Variants in FGF2 observed in about 807,000 individuals in gnomAD.
FGF2 encodes the protein basic fibroblast growth factor bFGF.
A neutral mutation model predicts 15.9 loss-of-function variants in FGF2; 13 were observed. The ratio of observed to expected loss-of-function variants is 0.82; its 90% CI spans 0.53 to 1.30. The LOEUF (loss-of-function observed/expected upper bound fraction) is 1.30, where lower values mean the gene tolerates loss of function less well. FGF2 is among the 50% of genes most tolerant of loss of function. The probability of loss-of-function intolerance (pLI) is 0.00; values close to 1 mark genes in which losing one functional copy is unlikely to be tolerated. For synonymous variants in FGF2, 90 were observed against 78.4 expected, an observed-to-expected ratio of 1.15 and a Z score of -0.78; for missense variants, 163 against 196.9, an observed-to-expected ratio of 0.83 and a Z score of 1.03.
intron 1 of FGF2, among the ~76,000 whole-genome samples, chr4:122,874,425 A>G (rs755745222): frequency 2.0e-5 from 3 of 152,210 alleles, no homozygotes; most frequent in Non-Finnish European, 2.9e-5. Flanking sequence ...AAATGATGCA[A>G]TGCTTTCTGG....
chr4:122,874,887 T>C (rs1271076253), intron 1 of FGF2, among the ~76,000 whole-genome samples: 7 of 152,160 alleles, frequency 4.6e-5, no homozygotes, highest in Non-Finnish European at 8.8e-5. Flanking sequence ...AATGATAATA[T>C]GCTGATTTCT....
chr4:122,828,693 T>C (rs1725699729), intron 1 of FGF2, among the ~76,000 whole-genome samples: 1 of 152,224 alleles, frequency 6.6e-6, no homozygotes, highest in Non-Finnish European at 1.5e-5. Context: ...AATAGCAACC[T>C]GCAAGAGAGG....
At chr4:122,839,342 G>A (rs145492763) in intron 1 of FGF2, among the ~76,000 whole-genome samples, 22 of 152,198 alleles carry the variant, frequency 1.4e-4, no homozygotes, top group African/African-American at 4.8e-4. Flanking sequence ...TATCTTTTCA[G>A]TATTTAAGGA....
At chr4:122,857,552 T>G (rs916952734) in intron 1 of FGF2, among the ~76,000 whole-genome samples, 1 of 152,200 alleles carries the variant, frequency 6.6e-6, no homozygotes, top group African/African-American at 2.4e-5. Context: ...GCTGTGCTGT[T>G]AGAAGAATCA....
chr4:122,856,770 T>C (rs1578463510), intron 1 of FGF2, among the ~76,000 whole-genome samples: 1 of 152,330 alleles, frequency 6.6e-6, no homozygotes, highest in East Asian at 1.9e-4. Flanking sequence ...AACCCAGATA[T>C]TGACATTGAT....
Position 122,897,467 on chromosome 4 carries a change from CTAA to C in FGF2, c.*5073_*5075del. 1.2e-5 allele frequency: 8 copies of C among 649,170 alleles called. No homozygotes were observed. In the South Asian group the frequency reaches 1.4e-4, roughly 12 times the overall value. The allele number at this position is 649,170 out of a possible 1,614,324, so 40.2% of individuals were successfully genotyped here. On this transcript the variant is annotated 3_prime_UTR_variant, in exon 3 of 3. Transcript: ENST00000644866. ...AACTGTAATATTAGAAATTATGCTG[CTAA>C]TTATATCAGCTCTGAGGTAATTTCT...
intron 1 of FGF2, among the ~76,000 whole-genome samples, chr4:122,849,325 A>G (rs991795227): frequency 1.4e-4 from 22 of 152,206 alleles, no homozygotes; most frequent in African/African-American, 4.3e-4. Context: ...GCTGGAAACC[A>G]TCATTCTCAG....
In FGF2 at chr4:122,894,976, G is replaced by A. The variant is rs1727306408; in HGVS notation, c.*2580G>A. The A allele has an allele frequency of 6.6e-6, 1 of 152,162 alleles. No individual in the cohort carries two copies. Among genetic ancestry groups the A allele is most frequent in the African/African-American group, 2.4e-5 (1 of 41,442 alleles). 9.4% of individuals were successfully genotyped at this position (152,162 alleles called of 1,614,324 possible). On this transcript the variant is annotated 3_prime_UTR_variant, in exon 3 of 3. Transcript: ENST00000644866. ...TCTATGTCGTGGAAGCACTGGATGGGGGTAGTGAGCAAATCTGCCCTGCTC... is the reference window on the plus strand; with the variant it reads ...TCTATGTCGTGGAAGCACTGGATGGAGGTAGTGAGCAAATCTGCCCTGCTC...
rs1351521655 is a variant in FGF2, at chr4:122,897,963, C to T, written c.*5567C>T. ...GTATGAATGAAACATTGGAGGGAAA[C>T]ATCTACTGAATTTCTGTAATTTAAA... is the stretch of plus-strand genomic sequence containing the variant. On this transcript the variant is annotated 3_prime_UTR_variant, in exon 3 of 3. Transcript: ENST00000644866. 3.3e-6 allele frequency: 1 copy of T among 300,466 alleles called. No homozygotes were observed. Among genetic ancestry groups the T allele is most frequent in the Non-Finnish European group, 6.1e-6 (1 of 163,814 alleles). The allele number at this position is 300,466 out of a possible 1,614,324, so 18.6% of individuals were successfully genotyped here.
intron 1 of FGF2, among the ~76,000 whole-genome samples, chr4:122,833,544 C>A (rs546052862): frequency 6.6e-6 from 1 of 152,110 alleles, no homozygotes; most frequent in Non-Finnish European, 1.5e-5. Flanking sequence ...ACAGATTATT[C>A]TCTGTTCATA....
chr4:122,858,541 G>A (rs1726386628), intron 1 of FGF2, among the ~76,000 whole-genome samples: 2 of 152,122 alleles, frequency 1.3e-5, no homozygotes, highest in Admixed American at 1.3e-4. Context: ...GGGACTACAG[G>A]TGCATGCCAT....
chr4:122,866,598 C>T (rs1726598554), intron 1 of FGF2, among the ~76,000 whole-genome samples: 1 of 152,146 alleles, frequency 6.6e-6, no homozygotes, highest in Admixed American at 6.5e-5. Context: ...AACATTATTA[C>T]CCATCGAAGA....
At chr4:122,851,394 C>CATTAGAAGTAGGTATGGCCAATAGA (rs1446645110) in intron 1 of FGF2, among the ~76,000 whole-genome samples, 1 of 152,072 alleles carries the variant, frequency 6.6e-6, no homozygotes, top group African/African-American at 2.4e-5. Flanking sequence ...CTGATAATAT[C>CATTAGAAGTAGGTATGGCCAATAGA]ATTAGAAGTA....
chr4:122,852,659 G>A (rs41364948), intron 1 of FGF2, among the ~76,000 whole-genome samples: 19,536 of 152,020 alleles, frequency 0.13, 1,366 homozygotes, highest in African/African-American at 0.15. Flanking sequence ...TCCCTTAATT[G>A]TTTTCTGTGT....
intron 1 of FGF2, among the ~76,000 whole-genome samples, chr4:122,866,572 A>T (rs308390): frequency 6.6e-6 from 1 of 152,122 alleles, no homozygotes; most frequent in East Asian, 1.9e-4. Context: ...GCCAATAAGC[A>T]CATGAAAAGA....
chr4:122,877,035 G>A (rs1331741253), intron 2 of FGF2, among the ~76,000 whole-genome samples: 1 of 151,976 alleles, frequency 6.6e-6, no homozygotes, highest in African/African-American at 2.4e-5. Context: ...CATCTGACAC[G>A]TAATAGATCC....
chr4:122,844,571 T>TCCTTCCTTCC lies in FGF2; in HGVS notation c.178+17219_178+17220insCCTTCCTTCC, dbSNP rs1344813798. Reference sequence around the variant, plus strand: ...TTTCTTTCTCTTTTTCTTTCTTTCTTTTTCTTTCTTTCTTTCTTCCTTCCT... The same window carrying TCCTTCCTTCC: ...TTTCTTTCTCTTTTTCTTTCTTTCTTCCTTCCTTCCTTTCTTTCTTTCTTTCTTCCTTCCT... On this transcript the variant is annotated intron_variant, in intron 1 of 2. Transcript: ENST00000644866. Among the ~76,000 whole-genome samples, 283 of 128,338 alleles carry TCCTTCCTTCC rather than the reference T, an allele frequency of 2.2e-3. 1 individual carries two copies. Among genetic ancestry groups the TCCTTCCTTCC allele is most frequent in the African/African-American group, 0.01 (271 of 26,988 alleles). The allele number at this position is 128,338 out of a possible 152,430, so 84.2% of individuals were successfully genotyped here.
In FGF2 at chr4:122,827,057, G is replaced by A; in HGVS notation, c.-118G>A. ...GCGCGCTGCCGGGCGGGAGGCTGGG[G>A]GGCCGGGGCCGGGGCCGTGCCCCGG... On this transcript the variant is annotated 5_prime_UTR_variant, in exon 1 of 3. Transcript: ENST00000644866. This position sits in a 1 kb window ranked among gnomAD's most constrained non-coding sequence, Gnocchi z 4.2. The A allele has an allele frequency of 1.8e-6, 2 of 1,087,344 alleles. No individual in the cohort carries two copies. The highest frequency in any genetic ancestry group is 2.2e-6 in the Non-Finnish European group (2 of 897,564). 67.4% of individuals were successfully genotyped at this position (1,087,344 alleles called of 1,614,324 possible). A position where few individuals can be genotyped will look rare whatever the true frequency, so the allele number is the denominator to read the frequency against.
intron 1 of FGF2, among the ~76,000 whole-genome samples, chr4:122,828,610 C>G (rs1197166068): frequency 6.6e-6 from 1 of 152,140 alleles, no homozygotes; most frequent in African/African-American, 2.4e-5. Context: ...GAAGAAAATT[C>G]TACAACCAAA....
Sources: allele counts gnomAD v4.1 joint callset (sites outside exome capture counted in the v4.1 genomes callset), GRCh38; gene constraint gnomAD v4.1.1; non-coding constraint Gnocchi (gnomAD v3.1); transcripts MANE v1.5; gene names NCBI Gene and HGNC (gene_info 2026-07-23, HGNC 2026-07-21).